The following PCDH15 variants were observed in gnomAD, a reference collection of about 807,000 sequenced individuals.
PCDH15 encodes the protein protocadherin related 15, also known as protocadherin-15.
Under a neutral mutation model 178.5 loss-of-function variants are expected in PCDH15, and 129 were observed. That is an observed-to-expected ratio of 0.72 (90% CI 0.63 to 0.84). The LOEUF is 0.84. Ranked by LOEUF, PCDH15 falls within the 40% of genes least tolerant of loss-of-function variation. The pLI is 0.00. For synonymous variants in PCDH15, 800 were observed against 732.0 expected (o/e 1.09, Z -1.50); for missense variants, 2,230 against 2,099.9 (o/e 1.06, Z -1.21).
intron 9 of PCDH15, among the ~76,000 whole-genome samples, chr10:54,219,462 G>C (rs541863253): frequency 6.7e-6 from 1 of 150,356 alleles, no homozygotes. Context: ...GCTTGGTGGC[G>C]GGTGACTGTA....
At chr10:55,419,050 G>C (rs1162648906) in intron 2 of PCDH15, among the ~76,000 whole-genome samples, 1 of 151,702 alleles carries the variant, frequency 6.6e-6, no homozygotes, top group Non-Finnish European at 1.5e-5. Context: ...AAAAGTTTAT[G>C]CAGAAACCTC....
chr10:55,453,077 T>C (rs985667568), intron 2 of PCDH15, among the ~76,000 whole-genome samples: 2 of 152,208 alleles, frequency 1.3e-5, no homozygotes, highest in African/African-American at 2.4e-5. Context: ...CATGTATTCA[T>C]TGTCATATCT....
chr10:55,590,212 G>A (rs926256610), intron 2 of PCDH15, among the ~76,000 whole-genome samples: 3 of 150,220 alleles, frequency 2.0e-5, no homozygotes, highest in African/African-American at 7.3e-5. Context: ...CTATCACAAG[G>A]ACAAAAAACC....
At chr10:54,396,380 C>T (rs1443798762) in intron 3 of PCDH15, among the ~76,000 whole-genome samples, 2 of 152,146 alleles carry the variant, frequency 1.3e-5, no homozygotes, top group Non-Finnish European at 2.9e-5. Flanking sequence ...TTGCTGTCTT[C>T]CATGTATATA....
intron 1 of PCDH15, among the ~76,000 whole-genome samples, chr10:54,770,068 C>T (rs1202072646): frequency 6.6e-6 from 1 of 152,106 alleles, no homozygotes; most frequent in East Asian, 1.9e-4. Flanking sequence ...GCAACATGAG[C>T]TACCAGCAAC....
intron 3 of PCDH15, among the ~76,000 whole-genome samples, chr10:54,879,490 C>G (rs571022346): frequency 2.0e-5 from 3 of 152,006 alleles, no homozygotes; most frequent in South Asian, 2.1e-4. Flanking sequence ...TAAGAGCTAT[C>G]TGGTTCTTAA....
chr10:55,249,054 A>G (rs1426208996), intron 1 of PCDH15, among the ~76,000 whole-genome samples: 2 of 152,228 alleles, frequency 1.3e-5, no homozygotes, highest in African/African-American at 2.4e-5. Context: ...GTAAATCTAT[A>G]AAAAGACAGA....
chr10:54,309,833 G>A (rs1035244817), intron 8 of PCDH15, among the ~76,000 whole-genome samples: 10 of 151,862 alleles, frequency 6.6e-5, no homozygotes, highest in African/African-American at 2.4e-4. Context: ...GCTATGTGAA[G>A]CCAATGGGTT....
chr10:54,054,361 G>T (rs1238832751), intron 18 of PCDH15, among the ~76,000 whole-genome samples: 1 of 152,066 alleles, frequency 6.6e-6, no homozygotes, highest in East Asian at 1.9e-4. Flanking sequence ...AGAATTAGAT[G>T]TGCTTAAACA....
intron 25 of PCDH15, among the ~76,000 whole-genome samples, chr10:53,906,616 A>G (rs2082699562): frequency 1.3e-5 from 2 of 152,334 alleles, no homozygotes; most frequent in South Asian, 4.1e-4. Flanking sequence ...ACAAAAAGTT[A>G]ACTCTTAGAA....
At chr10:53,930,457 CAAAAAAAAAAAAAA>C (rs60673116) in intron 25 of PCDH15, among the ~76,000 whole-genome samples, 9 of 50,334 alleles carry the variant, frequency 1.8e-4, no homozygotes, top group Admixed American at 1.2e-3. Context: ...GACTCCCTCT[CAAAAAAAAAAAAAA>C]AAAAAAAAAA....
chr10:55,348,863 A>G (rs554157671), intron 2 of PCDH15, among the ~76,000 whole-genome samples: 2 of 152,214 alleles, frequency 1.3e-5, no homozygotes, highest in South Asian at 2.1e-4. Flanking sequence ...AGGATTTTGG[A>G]TTATACAATG....
At chr10:55,069,536 T>C (rs2132010632) in intron 2 of PCDH15, among the ~76,000 whole-genome samples, 1 of 142,070 alleles carries the variant, frequency 7.0e-6, no homozygotes, top group African/African-American at 2.6e-5. Context: ...TGTTTGGTTT[T>C]TTGTTCTTGC....
chr10:54,915,373 T>G (rs1954883643), intron 2 of PCDH15, among the ~76,000 whole-genome samples: 2 of 152,212 alleles, frequency 1.3e-5, no homozygotes, highest in South Asian at 4.1e-4. Context: ...TAGAAAAAAA[T>G]CCTCAAAATT....
chr10:54,761,850 G>A (rs1002206712), intron 1 of PCDH15, among the ~76,000 whole-genome samples: 2 of 152,134 alleles, frequency 1.3e-5, no homozygotes, highest in African/African-American at 4.8e-5. Flanking sequence ...CTTTGCAGAG[G>A]AGCTTTTAAT....
At chr10:55,620,286 T>C (rs1285450100) in intron 2 of PCDH15, among the ~76,000 whole-genome samples, 1 of 151,980 alleles carries the variant, frequency 6.6e-6, no homozygotes, top group Admixed American at 6.5e-5. Flanking sequence ...AGCTTGGGAA[T>C]TGTAAGCATT....
chr10:54,515,030 T>C (rs116093852), intron 3 of PCDH15, among the ~76,000 whole-genome samples: 3,459 of 152,324 alleles, frequency 0.023, 127 homozygotes, highest in African/African-American at 0.078. Flanking sequence ...AGCTCTGGTT[T>C]ACAGTTCCCA....
At chr10:53,808,706 T>C in intron 37 of PCDH15, 1 of 1,612,926 alleles carries the variant, frequency 6.2e-7, no homozygotes, top group Non-Finnish European at 8.5e-7. Context: ...AGTGCTGTGT[T>C]GTAACCTTCA....
At chr10:54,655,312 GAGAC>G (rs1477808180) in intron 2 of PCDH15, among the ~76,000 whole-genome samples, 22 of 121,310 alleles carry the variant, frequency 1.8e-4, no homozygotes, top group African/African-American at 5.3e-4. Context: ...GACAGAGAGA[GAGAC>G]AGAGAAAGAG....
Sources: allele counts gnomAD v4.1 joint callset (sites outside exome capture counted in the v4.1 genomes callset), GRCh38; gene constraint gnomAD v4.1.1; transcripts MANE v1.5; gene names NCBI Gene and HGNC (gene_info 2026-07-23, HGNC 2026-07-21).